Variants in WDR70 observed in about 807,000 individuals in gnomAD.
WDR70 encodes the protein WD repeat-containing protein 70.
WDR70 carries 53 observed loss-of-function variants against 88.6 expected under a neutral mutation model. That is an observed-to-expected ratio of 0.60 (90% CI 0.48 to 0.75). The LOEUF (loss-of-function observed/expected upper bound fraction) is 0.75. Among genes scored for constraint, WDR70 ranks in the 30% least tolerant of loss-of-function variants. The pLI is 0.00. For missense variants in WDR70, 610 were observed against 823.2 expected (o/e 0.74, Z 3.17); for synonymous variants, 280 against 270.0 (o/e 1.04, Z -0.36).
At chr5:37,398,880 G>A (rs1007504811) in intron 5 of WDR70, among the ~76,000 whole-genome samples, 3 of 152,152 alleles carry the variant, frequency 2.0e-5, no homozygotes, top group African/African-American at 4.8e-5. Flanking sequence ...TGTGGCGCAC[G>A]CCTGTAATCC....
At chr5:37,607,061 C>T (rs1744051686) in intron 10 of WDR70, among the ~76,000 whole-genome samples, 1 of 151,146 alleles carries the variant, frequency 6.6e-6, no homozygotes, top group Non-Finnish European at 1.5e-5. Context: ...GCCTCAGCCT[C>T]CTGAGTGGTT....
intron 5 of WDR70, among the ~76,000 whole-genome samples, chr5:37,411,731 G>GA (rs889717660): frequency 1.3e-5 from 2 of 151,690 alleles, no homozygotes; most frequent in African/African-American, 4.8e-5. Flanking sequence ...GTCTTGATTT[G>GA]AAAAAAACAA....
chr5:37,396,619 C>T, intron 5 of WDR70, 49 bp downstream of exon 5: 6 of 1,518,794 alleles, frequency 4.0e-6, no homozygotes, highest in Non-Finnish European at 5.3e-6. Context: ...AATATCTTTA[C>T]TGTAGAGATC....
chr5:37,691,766 C>A (rs987280466), intron 10 of WDR70, among the ~76,000 whole-genome samples: 1 of 152,120 alleles, frequency 6.6e-6, no homozygotes, highest in Non-Finnish European at 1.5e-5. Context: ...CAGGAAAGAT[C>A]TAAAATTGAC....
chr5:37,415,409 G>A (rs1289094806), intron 5 of WDR70, among the ~76,000 whole-genome samples: 8 of 102,042 alleles, frequency 7.8e-5, no homozygotes, highest in Non-Finnish European at 1.5e-4. Context: ...CCGGGCGGGG[G>A]GCTGACCCCC....
chr5:37,480,765 C>G (rs1394388796), intron 8 of WDR70, among the ~76,000 whole-genome samples: 1 of 152,152 alleles, frequency 6.6e-6, no homozygotes, highest in Non-Finnish European at 1.5e-5. Context: ...ATTTCAAAAC[C>G]AATCATGCCT....
chr5:37,445,544 A>C (rs1738438546), intron 7 of WDR70, among the ~76,000 whole-genome samples: 1 of 152,180 alleles, frequency 6.6e-6, no homozygotes, highest in African/African-American at 2.4e-5. Flanking sequence ...TCCTCAATAA[A>C]ATACTGGCAA....
intron 9 of WDR70, among the ~76,000 whole-genome samples, chr5:37,563,526 C>T (rs1292717818): frequency 3.3e-5 from 2 of 61,170 alleles, no homozygotes; most frequent in Admixed American, 3.3e-4. Flanking sequence ...CCCCTCACCT[C>T]CCGGATGGGG....
At chr5:37,401,636 A>T (rs1004322989) in intron 5 of WDR70, among the ~76,000 whole-genome samples, 5 of 151,952 alleles carry the variant, frequency 3.3e-5, no homozygotes, top group Non-Finnish European at 5.9e-5. Context: ...TATTTTTAAA[A>T]TTTTTGTAGA....
At chr5:37,695,756 A>G (rs2112647804) in intron 10 of WDR70, among the ~76,000 whole-genome samples, 1 of 152,226 alleles carries the variant, frequency 6.6e-6, no homozygotes, top group South Asian at 2.1e-4. Flanking sequence ...TAATCTCCCT[A>G]TTTTAAGGTC....
intron 8 of WDR70, among the ~76,000 whole-genome samples, chr5:37,512,446 T>C (rs1211979087): frequency 3.3e-5 from 5 of 152,134 alleles, no homozygotes; most frequent in Admixed American, 1.3e-4. Context: ...GGTCTCTAAC[T>C]GAGCTCAAGT....
intron 9 of WDR70, among the ~76,000 whole-genome samples, chr5:37,535,989 G>C (rs567246531): frequency 1.3e-5 from 2 of 152,168 alleles, no homozygotes; most frequent in Admixed American, 6.5e-5. Flanking sequence ...TATAAGTAAT[G>C]GATACAAGAA....
At chr5:37,452,483 C>T (rs1738705329) in intron 7 of WDR70, among the ~76,000 whole-genome samples, 1 of 152,190 alleles carries the variant, frequency 6.6e-6, no homozygotes, top group African/African-American at 2.4e-5. Context: ...CCAGGCTGGT[C>T]CTGAACTCTT....
At chr5:37,684,807 G>A (rs1048865524) in intron 10 of WDR70, among the ~76,000 whole-genome samples, 14 of 152,232 alleles carry the variant, frequency 9.2e-5, no homozygotes, top group African/African-American at 3.1e-4. Flanking sequence ...AGTAGCAGCA[G>A]TGCAGGGGGC....
rs78285185 is a variant in WDR70 at position 37,587,570 on chromosome 5, C to T, written c.918-17494C>T. 2.9e-3 allele frequency among the ~76,000 whole-genome samples: 440 copies of T among 152,140 alleles called. 1 individual carries two copies. The highest frequency in any genetic ancestry group is 0.01 in the Middle Eastern group (3 of 294). ...TACCTCTTTTTCTGGGTGACTGCCT[C>T]ATGAGGCGATGGCATGTTTTCCTCT... On this transcript the variant is annotated intron_variant, in intron 9 of 17. Transcript: ENST00000265107.
chr5:37,442,033 ATTTTTT>A (rs545329551), intron 6 of WDR70, among the ~76,000 whole-genome samples: 16 of 116,520 alleles, frequency 1.4e-4, no homozygotes, highest in Non-Finnish European at 1.1e-4. Context: ...AGGGAAAGCA[ATTTTTT>A]TTTTTTTTTT....
chr5:37,514,924 G>A (rs1581354292), intron 8 of WDR70, among the ~76,000 whole-genome samples: 3 of 152,006 alleles, frequency 2.0e-5, no homozygotes, highest in Admixed American at 2.0e-4. Context: ...GCTGAGGCAG[G>A]AGGATCACTT....
In WDR70 at chr5:37,707,098, CAA is replaced by C. The variant is rs773947423; in HGVS notation, c.1416+4012_1416+4013del. Among the ~76,000 whole-genome samples the C allele has an allele frequency of 7.2e-5, 11 of 152,190 alleles. No individual in the cohort carries two copies. In the South Asian group the frequency reaches 2.3e-3, roughly 32 times the overall value. On this transcript the variant is annotated intron_variant, in intron 13 of 17. Coordinates refer to ENST00000265107, the MANE Select transcript of WDR70 (RefSeq NM_018034.4). ...TATTTAGGGAAATGTTCTGAAATAA[CAA>C]TATTATTAGCTTGGTAGTTTTTCAA...
At chr5:37,743,170 G>A (rs528076285) in intron 17 of WDR70, among the ~76,000 whole-genome samples, 9 of 152,272 alleles carry the variant, frequency 5.9e-5, no homozygotes, top group South Asian at 4.1e-4. Flanking sequence ...GGCATGTGGC[G>A]CAGCAACCCA....
Sources: allele counts gnomAD v4.1 joint callset (sites outside exome capture counted in the v4.1 genomes callset), GRCh38; gene constraint gnomAD v4.1.1; transcripts MANE v1.5; gene names NCBI Gene and HGNC (gene_info 2026-07-23, HGNC 2026-07-21).